Variants in CYSLTR2 observed in about 807,000 individuals in gnomAD.
The protein encoded by CYSLTR2 is cysteinyl leukotriene receptor 2.
For synonymous variants in CYSLTR2, 179 were observed against 160.8 expected (o/e 1.11, Z -0.86); for missense variants, 398 against 411.9 (o/e 0.97, Z 0.29).
At chr13:48,657,991 T>G (rs1229117732) in intron 1 of CYSLTR2, among the ~76,000 whole-genome samples, 2 of 152,148 alleles carry the variant, frequency 1.3e-5, no homozygotes, top group Non-Finnish European at 2.9e-5. Flanking sequence ...ATTTTGAGTC[T>G]TACCTTAAAA....
At chr13:48,698,799 T>C (rs1014149186) in intron 4 of CYSLTR2, among the ~76,000 whole-genome samples, 9 of 151,954 alleles carry the variant, frequency 5.9e-5, no homozygotes, top group Non-Finnish European at 1.3e-4. Flanking sequence ...GAAACACACA[T>C]AGGCTCAAAA....
intron 1 of CYSLTR2, among the ~76,000 whole-genome samples, chr13:48,689,655 G>A (rs1953986095): frequency 6.6e-6 from 1 of 152,186 alleles, no homozygotes; most frequent in African/African-American, 2.4e-5. Context: ...GGTTACTGTA[G>A]CTTTGTAGTA....
At chr13:48,675,311 T>C (rs972908146) in intron 1 of CYSLTR2, among the ~76,000 whole-genome samples, 6 of 152,200 alleles carry the variant, frequency 3.9e-5, no homozygotes, top group African/African-American at 1.4e-4. Context: ...TAACAGGGGC[T>C]TCTGCCTTTC....
At position 48,707,105 on chromosome 13, in the gene CYSLTR2, C is replaced by T. The variant is rs766076430; in HGVS notation, c.288C>T (p.Asp96=). 1.9e-6 allele frequency: 3 copies of T among 1,614,198 alleles called. No individual in the cohort carries two copies. Among genetic ancestry groups the T allele is most frequent in the Non-Finnish European group, 2.5e-6 (3 of 1,180,038 alleles). ...TAAGCACGCTTCCCTTCAGGGCTGA[C>T]TATTATCTTAGAGGCTCCAATTGGA... is the stretch of plus-strand genomic sequence containing the variant. ...LFISTLPFRA[D]YYLRGSNWIF... Residue 96 remains aspartate (D), a synonymous_variant, in exon 5 of 5, where the codon GAC becomes GAT. Coordinates refer to ENST00000682523, the MANE Select transcript of CYSLTR2 (RefSeq NM_001308476.3).
chr13:48,704,404 G>A (rs955528654), intron 4 of CYSLTR2, among the ~76,000 whole-genome samples: 13 of 152,008 alleles, frequency 8.6e-5, no homozygotes, highest in Admixed American at 3.9e-4. Context: ...ACCTGCAATC[G>A]ATTGTATTGA....
At chr13:48,683,492 C>G (rs190605341) in intron 1 of CYSLTR2, among the ~76,000 whole-genome samples, 74 of 151,886 alleles carry the variant, frequency 4.9e-4, no homozygotes, top group Admixed American at 2.2e-3. Context: ...TGATATTGAG[C>G]TTTTTTTTCA....
In CYSLTR2 at chr13:48,707,400, A is replaced by G. The variant is rs1297887655; in HGVS notation, c.583A>G (p.Ile195Val). The G allele has an allele frequency of 6.2e-7, 1 of 1,614,092 alleles. No homozygotes were observed. Among genetic ancestry groups the G allele is most frequent in the Non-Finnish European group, 8.5e-7 (1 of 1,180,020 alleles). ...ATGCTTAGAGCTGAATCTCTATAAA[A>G]TTGCTAAGCTGCAGACCATGAACTA... ...TSCLELNLYKIAKLQTMNYIA... is the reference protein window; with the variant it reads ...TSCLELNLYKVAKLQTMNYIA... Residue 195 changes from isoleucine (I) to valine (V), a missense_variant, in exon 5 of 5, where the codon ATT becomes GTT. Coordinates refer to ENST00000682523, the MANE Select transcript of CYSLTR2 (RefSeq NM_001308476.3).
At chr13:48,705,997 T>G (rs868793618) in intron 4 of CYSLTR2, among the ~76,000 whole-genome samples, 9 of 88,336 alleles carry the variant, frequency 1.0e-4, no homozygotes, top group South Asian at 8.5e-4. Flanking sequence ...TGTTTTGTTG[T>G]TGTTTTTTTT....
At chr13:48,667,555 G>T (rs1050259213) in intron 1 of CYSLTR2, among the ~76,000 whole-genome samples, 1 of 152,140 alleles carries the variant, frequency 6.6e-6, no homozygotes, top group Non-Finnish European at 1.5e-5. Flanking sequence ...CCTTCCAGGG[G>T]TGCCCCACAG....
chr13:48,697,215 A>G (rs1954214786), intron 4 of CYSLTR2, among the ~76,000 whole-genome samples: 1 of 152,178 alleles, frequency 6.6e-6, no homozygotes. Context: ...TGCCTCCTCA[A>G]GTGGGTCCCT....
chr13:48,706,926 AAG>A lies in CYSLTR2; in HGVS notation c.115_116del (p.Glu39IlefsTer29), dbSNP rs1954504966. 6.2e-7 allele frequency: 1 copy of A among 1,614,198 alleles called. No individual in the cohort carries two copies. Among genetic ancestry groups the A allele is most frequent in the East Asian group, 2.2e-5 (1 of 44,884 alleles). On this transcript the variant is annotated frameshift_variant, in exon 5 of 5. Coordinates refer to ENST00000682523, the MANE Select transcript of CYSLTR2 (RefSeq NM_001308476.3). LOFTEE classifies it low-confidence loss of function (END_TRUNC). ...NSRNCTIENF[K>X]REFFPIVYLI... ...CAGGAACTGCACAATTGAAAACTTC[AAG>A]AGAGAATTTTTCCCAATTGTATATC...
Position 48,670,546 on chromosome 13 carries a change from A to G in CYSLTR2, c.-266+16529A>G, listed in dbSNP as rs1055560710. ...TTATTAAATAGGAAATCCCTTCCCC[A>G]TTGCTTGTTTTTGTCAGTTTTGTCA... On this transcript the variant is annotated intron_variant, in intron 1 of 4. Transcript: ENST00000682523. Among the ~76,000 whole-genome samples the G allele has an allele frequency of 2.6e-5, 4 of 152,154 alleles. No homozygotes were observed. In the South Asian group the frequency reaches 8.3e-4, roughly 32 times the overall value.
At chr13:48,689,289 G>C (rs953436151) in intron 1 of CYSLTR2, among the ~76,000 whole-genome samples, 6 of 152,104 alleles carry the variant, frequency 3.9e-5, no homozygotes. Flanking sequence ...TTTGGCTTTC[G>C]TTGCTCTTGC....
At chr13:48,682,242 C>T (rs1432674049) in intron 1 of CYSLTR2, among the ~76,000 whole-genome samples, 1 of 152,100 alleles carries the variant, frequency 6.6e-6, no homozygotes, top group Non-Finnish European at 1.5e-5. Flanking sequence ...CTCTAGTATT[C>T]CATTGGAGTA....
chr13:48,661,206 C>A (rs1400647169), intron 1 of CYSLTR2, among the ~76,000 whole-genome samples: 2 of 152,028 alleles, frequency 1.3e-5, no homozygotes, highest in Non-Finnish European at 1.5e-5. Flanking sequence ...CCTGCCTCAG[C>A]CTCCCAAAGT....
intron 1 of CYSLTR2, among the ~76,000 whole-genome samples, chr13:48,689,378 T>A (rs1432965111): frequency 6.6e-6 from 1 of 152,166 alleles, no homozygotes; most frequent in Non-Finnish European, 1.5e-5. Context: ...AGGGTTTTTA[T>A]GATTTTAGAT....
intron 4 of CYSLTR2, among the ~76,000 whole-genome samples, chr13:48,698,126 A>G (rs1317652186): frequency 6.6e-6 from 1 of 152,206 alleles, no homozygotes; most frequent in Non-Finnish European, 1.5e-5. Flanking sequence ...AACTTCCCCA[A>G]CCTAGCGAGG....
At chr13:48,686,953 G>A (rs1953908235) in intron 1 of CYSLTR2, among the ~76,000 whole-genome samples, 1 of 152,186 alleles carries the variant, frequency 6.6e-6, no homozygotes, top group African/African-American at 2.4e-5. Flanking sequence ...AGATTATTGT[G>A]TAAATCAGTG....
chr13:48,667,156 C>A (rs1953284972), intron 1 of CYSLTR2, among the ~76,000 whole-genome samples: 1 of 152,140 alleles, frequency 6.6e-6, no homozygotes, highest in South Asian at 2.1e-4. Context: ...CATGTGGTTT[C>A]TTTGGCTGTA....
Sources: allele counts gnomAD v4.1 joint callset (sites outside exome capture counted in the v4.1 genomes callset), GRCh38; gene constraint gnomAD v4.1.1; transcripts MANE v1.5; gene names NCBI Gene and HGNC (gene_info 2026-07-23, HGNC 2026-07-21).